The following RAB2A variants were observed in gnomAD, a reference collection of about 807,000 sequenced individuals.
RAB2A encodes the protein ras-related protein Rab-2A.
RAB2A carries 7 observed loss-of-function variants against 32.5 expected under a neutral mutation model. That is an observed-to-expected ratio of 0.22 (90% CI 0.12 to 0.40). The LOEUF (loss-of-function observed/expected upper bound fraction) is 0.40. Among genes scored for constraint, RAB2A ranks in the 10% least tolerant of loss-of-function variants. The pLI is 1.00. For missense variants in RAB2A, 108 were observed against 260.7 expected (o/e 0.41, Z 4.03); for synonymous variants, 79 against 85.2 (o/e 0.93, Z 0.40).
chr8:60,538,886 C>G (rs903018633), intron 1 of RAB2A, among the ~76,000 whole-genome samples: 3 of 152,202 alleles, frequency 2.0e-5, no homozygotes, highest in African/African-American at 4.8e-5. Context: ...TACTCACTAC[C>G]TTTTGAAAGG....
chr8:60,540,679 C>T (rs554308780), intron 1 of RAB2A, among the ~76,000 whole-genome samples: 34 of 152,304 alleles, frequency 2.2e-4, no homozygotes, highest in African/African-American at 8.2e-4. Context: ...TTGGGCTTTC[C>T]CCATGTTGGC....
intron 2 of RAB2A, chr8:60,569,940 C>A: frequency 2.2e-6 from 1 of 455,990 alleles, no homozygotes; most frequent in South Asian, 1.5e-5. Context: ...GAAACTTGGT[C>A]TTGGAATTGG....
intron 7 of RAB2A, among the ~76,000 whole-genome samples, chr8:60,619,826 T>A (rs1460431041): frequency 6.6e-6 from 1 of 152,256 alleles, no homozygotes; most frequent in Non-Finnish European, 1.5e-5. Flanking sequence ...TTATTTGGCC[T>A]AATGCCAAGT....
rs192570587 is a variant in RAB2A, at chr8:60,587,758, C to G, written c.362+2943C>G. ...GATAAATATATGCAATTTTACCTAT[C>G]AATTTAAATAAATAAATTTGAAGAA... On this transcript the variant is annotated intron_variant, in intron 5 of 7. Transcript: ENST00000262646. 3.2e-4 allele frequency among the ~76,000 whole-genome samples: 47 copies of G among 149,078 alleles called. No individual in the cohort carries two copies. In the East Asian group the frequency reaches 8.3e-3, roughly 26 times the overall value.
rs1280166597 is a variant in RAB2A at position 60,540,462 on chromosome 8, ACTGC to A, written c.47-18379_47-18376del. Among the ~76,000 whole-genome samples, 4 of 151,594 alleles carry A rather than the reference ACTGC, an allele frequency of 2.6e-5. 1 individual carries two copies. The highest frequency in any genetic ancestry group is 9.7e-5 in the African/African-American group (4 of 41,336). ...TTTCTGAAAAGTGTATACTTCAAAT[ACTGC>A]CTGCCTGCCTCCCTCCCTCCCTTTC... On this transcript the variant is annotated intron_variant, in intron 1 of 7. Transcript: ENST00000262646.
intron 3 of RAB2A, among the ~76,000 whole-genome samples, chr8:60,576,842 G>T (rs1172552613): frequency 6.6e-6 from 1 of 152,076 alleles, no homozygotes; most frequent in Non-Finnish European, 1.5e-5. Flanking sequence ...CTTAAGCTGG[G>T]AGTTGAGGGG....
In RAB2A at chr8:60,620,902, C is replaced by A. The variant is rs1804516328; in HGVS notation, c.*133C>A. ...ACAGAAGACTTTAATCCGTCAAATT[C>A]TTGTATAACTTTGAATAAATGGTTA... On this transcript the variant is annotated 3_prime_UTR_variant, in exon 8 of 8. Transcript: ENST00000262646. The A allele has an allele frequency of 1.5e-6, 1 of 657,900 alleles. No homozygotes were observed. Among genetic ancestry groups the A allele is most frequent in the Non-Finnish European group, 2.4e-6 (1 of 408,638 alleles). The allele number at this position is 657,900 out of a possible 1,614,324, so 40.8% of individuals were successfully genotyped here. A position where few individuals can be genotyped will look rare whatever the true frequency, so the allele number is the denominator to read the frequency against.
At chr8:60,615,191 G>A (rs1011134633) in intron 6 of RAB2A, among the ~76,000 whole-genome samples, 1 of 152,230 alleles carries the variant, frequency 6.6e-6, no homozygotes, top group Admixed American at 6.5e-5. Flanking sequence ...GCAATTTCAT[G>A]TAAGCCCACC....
intron 2 of RAB2A, among the ~76,000 whole-genome samples, chr8:60,565,801 C>T (rs1808103752): frequency 6.8e-6 from 1 of 147,994 alleles, no homozygotes; most frequent in Non-Finnish European, 1.5e-5. Flanking sequence ...ACCTCCACAT[C>T]CCAGGTTCAA....
chr8:60,606,412 G>C (rs1295207540), intron 6 of RAB2A, among the ~76,000 whole-genome samples: 1 of 152,198 alleles, frequency 6.6e-6, no homozygotes, highest in Non-Finnish European at 1.5e-5. Flanking sequence ...TTGGTACCCA[G>C]ATCCTTTAAC....
chr8:60,581,612 G>A (rs1378253716), intron 3 of RAB2A, among the ~76,000 whole-genome samples: 1 of 152,092 alleles, frequency 6.6e-6, no homozygotes, highest in Non-Finnish European at 1.5e-5. Context: ...TCCTTTCTTG[G>A]TACATAGGAT....
At chr8:60,547,453 T>C (rs1217257547) in intron 1 of RAB2A, among the ~76,000 whole-genome samples, 89 of 151,974 alleles carry the variant, frequency 5.9e-4, no homozygotes, top group Non-Finnish European at 1.6e-4. Context: ...GAGGGGCTCC[T>C]CACTTCCCAG....
At chr8:60,574,812 G>T (rs962838006) in intron 3 of RAB2A, among the ~76,000 whole-genome samples, 3 of 152,130 alleles carry the variant, frequency 2.0e-5, no homozygotes, top group Non-Finnish European at 4.4e-5. Context: ...GACAGTATGA[G>T]AAAGGAAGAG....
rs118151113 is a variant in RAB2A, at chr8:60,583,821, G to A, written c.187-387G>A. Among the ~76,000 whole-genome samples, 1,260 of 152,300 alleles carry A rather than the reference G, an allele frequency of 8.3e-3. 29 individuals carry two copies. Among genetic ancestry groups the A allele is most frequent in the South Asian group, 0.067 (322 of 4,824 alleles). ...GGAGTGGGTTATTGAATTCAAATGT[G>A]AGGCTCTGGGTTATTTGCTTCCTTT... On this transcript the variant is annotated intron_variant, in intron 3 of 7. Coordinates refer to ENST00000262646, the MANE Select transcript of RAB2A (RefSeq NM_002865.3).
chr8:60,598,971 A>AAAG (rs1563482794), intron 6 of RAB2A, among the ~76,000 whole-genome samples: 18 of 142,048 alleles, frequency 1.3e-4, no homozygotes, highest in African/African-American at 4.3e-4. Context: ...AAAAAAGAAA[A>AAAG]GGCATACAAC....
At chr8:60,617,981 G>A (rs1260461962) in intron 6 of RAB2A, among the ~76,000 whole-genome samples, 5 of 152,156 alleles carry the variant, frequency 3.3e-5, no homozygotes, top group African/African-American at 4.8e-5. Context: ...GTATTGTGGC[G>A]TTTTGTGTCT....
intron 1 of RAB2A, among the ~76,000 whole-genome samples, chr8:60,540,791 T>A (rs957065648): frequency 4.6e-5 from 7 of 152,200 alleles, no homozygotes; most frequent in African/African-American, 1.7e-4. Context: ...CCATTTTTTT[T>A]ATATAAGAGT....
chr8:60,525,953 A>C (rs954431273), intron 1 of RAB2A, among the ~76,000 whole-genome samples: 16 of 146,366 alleles, frequency 1.1e-4, no homozygotes, highest in East Asian at 2.0e-4. Context: ...CTATATATGT[A>C]TATATGTATA....
chr8:60,620,376 T>C (rs1028657977), intron 7 of RAB2A, among the ~76,000 whole-genome samples: 3 of 152,248 alleles, frequency 2.0e-5, no homozygotes, highest in African/African-American at 7.2e-5. Context: ...TTACTTGCAA[T>C]AATTATTTTA....
Sources: gnomAD v4.1 joint callset for allele counts (sites outside exome capture counted in the v4.1 genomes callset) on GRCh38, gnomAD v4.1.1 for gene constraint, MANE v1.5 for transcripts, NCBI Gene and HGNC (gene_info 2026-07-23, HGNC 2026-07-21) for gene names.